CCDC148: variants seen among roughly 807,000 people sequenced by gnomAD.
CCDC148 encodes the protein coiled-coil domain-containing protein 148.
In CCDC148, 89 loss-of-function variants were observed where a neutral mutation model predicts 85.7. The observed-to-expected ratio is 1.04, with a 90% CI of 0.87 to 1.24. CCDC148 has a LOEUF of 1.24. Ranked by LOEUF, CCDC148 falls within the 50% of genes most tolerant of loss-of-function variation. The pLI is 0.00. For missense variants in CCDC148, 692 were observed against 671.7 expected (o/e 1.03, Z -0.33); for synonymous variants, 230 against 213.9 (o/e 1.08, Z -0.66).
chr2:158,264,239 G>A (rs181518138), intron 9 of CCDC148, among the ~76,000 whole-genome samples: 14 of 152,056 alleles, frequency 9.2e-5, no homozygotes, highest in Non-Finnish European at 1.5e-4. Context: ...TACTTCTTCC[G>A]TCATCAGCTC....
At chr2:158,191,805 T>TC (rs1457187997) in intron 11 of CCDC148, among the ~76,000 whole-genome samples, 2 of 151,970 alleles carry the variant, frequency 1.3e-5, no homozygotes, top group Non-Finnish European at 2.9e-5. Flanking sequence ...TCCTTTTTTT[T>TC]CTTTGGAGAC....
intron 1 of CCDC148, among the ~76,000 whole-genome samples, chr2:158,395,025 G>GA (rs1283518923): frequency 6.6e-6 from 1 of 151,384 alleles, no homozygotes. Flanking sequence ...CCTTAATCAG[G>GA]AAAAAAGAAC....
At chr2:158,343,561 GTGTTAT>G (rs1216212345) in intron 3 of CCDC148, among the ~76,000 whole-genome samples, 1 of 152,184 alleles carries the variant, frequency 6.6e-6, no homozygotes, top group Admixed American at 6.5e-5. Context: ...CAAATGTTAG[GTGTTAT>G]TGTAAGCCCT....
At chr2:158,279,556 T>C (rs557296168) in intron 9 of CCDC148, among the ~76,000 whole-genome samples, 11,317 of 151,316 alleles carry the variant, frequency 0.075, 637 homozygotes, top group Middle Eastern at 0.12. Context: ...TGAAATGAAG[T>C]GAGAAGGTAA....
At chr2:158,199,540 C>T (rs774867986) in intron 11 of CCDC148, among the ~76,000 whole-genome samples, 6 of 152,156 alleles carry the variant, frequency 3.9e-5, no homozygotes, top group Admixed American at 6.5e-5. Flanking sequence ...CCACCACGTC[C>T]GGCCTTTGAT....
intron 2 of CCDC148, among the ~76,000 whole-genome samples, chr2:158,348,429 C>G (rs888278690): frequency 4.9e-5 from 6 of 123,654 alleles, no homozygotes; most frequent in Non-Finnish European, 1.1e-4. Flanking sequence ...GATAGAGGAG[C>G]AAATCTACAA....
chr2:158,230,013 C>T (rs6730499), intron 10 of CCDC148, among the ~76,000 whole-genome samples: 35,094 of 152,020 alleles, frequency 0.23, 4,355 homozygotes, highest in Middle Eastern at 0.3. Context: ...CTAGTGAGTT[C>T]CACAGGATCG....
intron 9 of CCDC148, among the ~76,000 whole-genome samples, chr2:158,287,726 G>A (rs955922253): frequency 4.6e-5 from 7 of 152,134 alleles, no homozygotes; most frequent in Non-Finnish European, 7.3e-5. Context: ...GAATGTCTGC[G>A]GCTTTTCCAG....
intron 11 of CCDC148, among the ~76,000 whole-genome samples, chr2:158,179,632 G>A (rs1054670769): frequency 1.6e-4 from 25 of 152,046 alleles, no homozygotes; most frequent in African/African-American, 4.8e-4. Flanking sequence ...CCAATGAGAA[G>A]CTTTAGCACA....
chr2:158,229,377 A>G (rs974948445), intron 10 of CCDC148, among the ~76,000 whole-genome samples: 1 of 152,176 alleles, frequency 6.6e-6, no homozygotes, highest in Non-Finnish European at 1.5e-5. Context: ...TGAGATATTC[A>G]GCTAAAGTGT....
intron 2 of CCDC148, among the ~76,000 whole-genome samples, chr2:158,354,011 G>A (rs1683478435): frequency 6.6e-6 from 1 of 152,088 alleles, no homozygotes; most frequent in Non-Finnish European, 1.5e-5. Context: ...CAGAAATAAA[G>A]ATGTTCTTTG....
intron 7 of CCDC148, among the ~76,000 whole-genome samples, chr2:158,325,685 G>A (rs541580709): frequency 6.3e-4 from 96 of 152,076 alleles, no homozygotes; most frequent in Admixed American, 5.3e-3. Context: ...CCTCAACCCC[G>A]GATTTTCTCC....
Position 158,444,206 on chromosome 2 carries a change from T to C in CCDC148, c.25+12209A>G, listed in dbSNP as rs567827360. On this transcript the variant is annotated intron_variant, in intron 1 of 13. Transcript: ENST00000283233. ...ATTTAGTCACATGCATACACACACA[T>C]ATATATATACAGCAAACATGGTGAA... Among the ~76,000 whole-genome samples, 8 of 152,078 alleles carry C rather than the reference T, an allele frequency of 5.3e-5. No homozygotes were observed. The East Asian group carries it at 1.5e-3, about 29-fold the overall frequency.
At chr2:158,314,999 A>G (rs563030690) in intron 7 of CCDC148, among the ~76,000 whole-genome samples, 1 of 152,340 alleles carries the variant, frequency 6.6e-6, no homozygotes, top group East Asian at 1.9e-4. Context: ...AAGTAGCAAG[A>G]AAGAAAAATT....
intron 9 of CCDC148, among the ~76,000 whole-genome samples, chr2:158,297,305 C>T (rs755594160): frequency 5.9e-5 from 9 of 152,134 alleles, no homozygotes; most frequent in African/African-American, 1.2e-4. Context: ...CCCTAAATGA[C>T]GTCAGAGTAC....
At chr2:158,291,281 T>A (rs929195013) in intron 9 of CCDC148, among the ~76,000 whole-genome samples, 2 of 152,166 alleles carry the variant, frequency 1.3e-5, no homozygotes, top group Non-Finnish European at 2.9e-5. Context: ...CATGTCCCTC[T>A]TCTGATAAAG....
intron 1 of CCDC148, among the ~76,000 whole-genome samples, chr2:158,434,038 T>C (rs1360441453): frequency 1.3e-5 from 2 of 152,120 alleles, no homozygotes; most frequent in Non-Finnish European, 2.9e-5. Context: ...ACTCCACCTC[T>C]GGGGGCACAG....
intron 9 of CCDC148, among the ~76,000 whole-genome samples, chr2:158,270,461 C>A (rs1307417075): frequency 6.6e-6 from 1 of 152,108 alleles, no homozygotes; most frequent in Non-Finnish European, 1.5e-5. Flanking sequence ...GGAAAAGAGT[C>A]CTTGATTCTG....
At chr2:158,250,659 T>C in intron 10 of CCDC148, 113 bp downstream of exon 10, 1 of 1,370,302 alleles carries the variant, frequency 7.3e-7, no homozygotes, top group Non-Finnish European at 9.5e-7. Flanking sequence ...TAGATCTTTA[T>C]GAATGTTCTC....
Sources: gnomAD v4.1 joint callset for allele counts (sites outside exome capture counted in the v4.1 genomes callset) on GRCh38, gnomAD v4.1.1 for gene constraint, MANE v1.5 for transcripts, NCBI Gene and HGNC (gene_info 2026-07-23, HGNC 2026-07-21) for gene names.